Variants in ESRRG observed in about 807,000 individuals in gnomAD.
ESRRG encodes estrogen-related receptor gamma.
ESRRG carries 13 observed loss-of-function variants against 44.0 expected under a neutral mutation model. That is an observed-to-expected ratio of 0.30 (90% CI 0.19 to 0.47). The LOEUF (loss-of-function observed/expected upper bound fraction) is 0.47. ESRRG is among the 20% of genes least tolerant of loss of function. The pLI is 1.00. For missense variants in ESRRG, 395 were observed against 580.6 expected (o/e 0.68, Z 3.29); for synonymous variants, 215 against 214.6 (o/e 1.00, Z -0.02).
intron 6 of ESRRG, among the ~76,000 whole-genome samples, chr1:216,516,668 C>CACACACACAGAGAGAGAGAGAG (rs376701865): frequency 3.1e-4 from 43 of 137,246 alleles, no homozygotes; most frequent in African/African-American, 1.3e-3. Context: ...CACACACACA[C>CACACACACAGAGAGAGAGAGAG]AGAGAGAGAG....
rs556807719 is a variant in ESRRG at position 216,506,706 on chromosome 1, GAA to G, written c.*231_*232del. The G allele has an allele frequency of 9.5e-4, 591 of 619,862 alleles. 4 individuals carry two copies. In the African/African-American group the frequency reaches 9.8e-3, roughly 10 times the overall value. 38.4% of individuals were successfully genotyped at this position (619,862 alleles called of 1,614,324 possible). A position where few individuals can be genotyped will look rare whatever the true frequency, so the allele number is the denominator to read the frequency against. ...AGAAGAAAAGGAGAAAAAATAAAGAGAAAGAGAAATGTGGGAAGAAAGAGGAA... is the reference window on the plus strand; with the variant it reads ...AGAAGAAAAGGAGAAAAAATAAAGAGAGAGAAATGTGGGAAGAAAGAGGAA... On this transcript the variant is annotated 3_prime_UTR_variant, in exon 7 of 7. Coordinates refer to ENST00000408911, the MANE Select transcript of ESRRG (RefSeq NM_001438.4).
chr1:217,095,341 T>C (rs894441698), intron 1 of ESRRG, among the ~76,000 whole-genome samples: 3 of 152,250 alleles, frequency 2.0e-5, no homozygotes, highest in Admixed American at 6.5e-5. Flanking sequence ...AACCAGCCTT[T>C]TAGAAAGATT....
chr1:216,907,261 G>A lies in ESRRG; in HGVS notation c.-14+32321C>T, dbSNP rs58534535. Among the ~76,000 whole-genome samples the A allele has an allele frequency of 2.6e-5, 4 of 152,294 alleles. No individual in the cohort carries two copies. In the East Asian group the frequency reaches 5.8e-4, roughly 22 times the overall value. On this transcript the variant is annotated intron_variant, in intron 2 of 7. Coordinates refer to the ESRRG transcript ENST00000359162. ...GAAAAGCCATTACCGAGTGACAGGA[G>A]ACAAAAAACCAAAATCCACTTCAGC...
chr1:216,517,875 A>G (rs1014721757), intron 6 of ESRRG, among the ~76,000 whole-genome samples: 5 of 152,162 alleles, frequency 3.3e-5, no homozygotes, highest in Non-Finnish European at 7.4e-5. Context: ...TATATTCACA[A>G]TTAAAACTGT....
chr1:217,004,992 G>C (rs1050946319), intron 1 of ESRRG, among the ~76,000 whole-genome samples: 2 of 152,026 alleles, frequency 1.3e-5, no homozygotes, highest in Non-Finnish European at 2.9e-5. Flanking sequence ...TAGTAATAAT[G>C]GTTCTACTCT....
intron 2 of ESRRG, among the ~76,000 whole-genome samples, chr1:216,855,824 G>T (rs2095925682): frequency 6.6e-6 from 1 of 152,092 alleles, no homozygotes; most frequent in South Asian, 2.1e-4. Flanking sequence ...TGAAAATGCA[G>T]TTGTGCAAAG....
At chr1:217,095,410 G>A (rs997881942) in intron 1 of ESRRG, among the ~76,000 whole-genome samples, 1 of 152,224 alleles carries the variant, frequency 6.6e-6, no homozygotes, top group African/African-American at 2.4e-5. Context: ...GCAAGTCTCT[G>A]TGTGCTAAGC....
At chr1:216,856,178 T>C (rs970147464) in intron 2 of ESRRG, among the ~76,000 whole-genome samples, 2 of 151,532 alleles carry the variant, frequency 1.3e-5, no homozygotes, top group African/African-American at 4.9e-5. Flanking sequence ...AAACTTCCTA[T>C]GAAAAGAAAA....
intron 1 of ESRRG, among the ~76,000 whole-genome samples, chr1:216,954,572 T>C (rs1270998393): frequency 6.6e-6 from 1 of 152,166 alleles, no homozygotes; most frequent in Non-Finnish European, 1.5e-5. Flanking sequence ...CATATGTAAA[T>C]AAGAAGACCT....
intron 2 of ESRRG, among the ~76,000 whole-genome samples, chr1:216,763,059 TA>T (rs1297439380): frequency 3.3e-5 from 5 of 152,042 alleles, no homozygotes; most frequent in Admixed American, 6.6e-5. Context: ...AAAAATCAAC[TA>T]AAAAAATGGG....
chr1:216,790,367 A>T (rs1186019039), intron 2 of ESRRG, among the ~76,000 whole-genome samples: 1 of 152,162 alleles, frequency 6.6e-6, no homozygotes, highest in Non-Finnish European at 1.5e-5. Flanking sequence ...AATGGACACA[A>T]TTATATTTGC....
chr1:216,610,133 G>A (rs1376348225), intron 3 of ESRRG, among the ~76,000 whole-genome samples: 3 of 151,310 alleles, frequency 2.0e-5, no homozygotes, highest in Admixed American at 6.6e-5. Flanking sequence ...AGAAATATGA[G>A]TTATTAAAAT....
At chr1:217,102,392 T>C (rs1224755792) in intron 1 of ESRRG, among the ~76,000 whole-genome samples, 1 of 152,182 alleles carries the variant, frequency 6.6e-6, no homozygotes, top group Non-Finnish European at 1.5e-5. Context: ...ATATGTGTTA[T>C]CAATACAACA....
intron 1 of ESRRG, among the ~76,000 whole-genome samples, chr1:216,698,376 G>A (rs539013686): frequency 4.6e-5 from 7 of 151,852 alleles, no homozygotes; most frequent in East Asian, 1.9e-4. Context: ...AAAATTATCC[G>A]GGCGTGGTGG....
At chr1:216,558,855 T>C (rs1327891553) in intron 5 of ESRRG, among the ~76,000 whole-genome samples, 2 of 149,806 alleles carry the variant, frequency 1.3e-5, no homozygotes, top group Non-Finnish European at 1.5e-5. Flanking sequence ...TTCTGTTTTT[T>C]GTTTTTTGTT....
At chr1:216,749,096 A>G (rs1226326743) in intron 2 of ESRRG, among the ~76,000 whole-genome samples, 1 of 151,672 alleles carries the variant, frequency 6.6e-6, no homozygotes, top group Non-Finnish European at 1.5e-5. Flanking sequence ...CAGGCAAGAG[A>G]CCCAGCAGCA....
chr1:216,811,285 C>A (rs919678737), intron 2 of ESRRG, among the ~76,000 whole-genome samples: 5 of 151,968 alleles, frequency 3.3e-5, no homozygotes, highest in African/African-American at 4.8e-5. Context: ...ATTTTTTATT[C>A]TAACTCATAA....
intron 1 of ESRRG, among the ~76,000 whole-genome samples, chr1:217,095,463 G>A (rs576388992): frequency 1.1e-4 from 16 of 152,310 alleles, no homozygotes; most frequent in African/African-American, 3.6e-4. Flanking sequence ...TTCAGAAAGC[G>A]CAGTTAGGAG....
chr1:217,127,192 C>T (rs186618742), intron 1 of ESRRG, among the ~76,000 whole-genome samples: 1 of 152,312 alleles, frequency 6.6e-6, no homozygotes, highest in Admixed American at 6.5e-5. Flanking sequence ...GTGATTAATG[C>T]TAACAGCAAG....
Sources: gnomAD v4.1 joint callset for allele counts (sites outside exome capture counted in the v4.1 genomes callset) on GRCh38, gnomAD v4.1.1 for gene constraint, MANE v1.5 for transcripts, NCBI Gene and HGNC (gene_info 2026-07-23, HGNC 2026-07-21) for gene names.